GSK3B: variants seen among roughly 807,000 people sequenced by gnomAD.
GSK3B encodes the protein glycogen synthase kinase 3 beta.
A neutral mutation model predicts 56.4 loss-of-function variants in GSK3B; 15 were observed. The ratio of observed to expected loss-of-function variants is 0.27; its 90% confidence interval spans 0.18 to 0.41. The LOEUF is 0.41. GSK3B is among the 10% of genes least tolerant of loss of function. The pLI is 1.00. For synonymous variants in GSK3B, 181 were observed against 188.9 expected, an observed-to-expected ratio of 0.96 and a Z score of 0.34; for missense variants, 300 against 513.4, an observed-to-expected ratio of 0.58 and a Z score of 4.02.
chr3:119,839,678 T>C (rs770385584), intron 10 of GSK3B, among the ~76,000 whole-genome samples: 11 of 152,230 alleles, frequency 7.2e-5, no homozygotes, highest in Non-Finnish European at 1.6e-4. Flanking sequence ...TGGAGGCACA[T>C]TCTCAGGCTA....
At chr3:119,929,653 A>C (rs2056923409) in intron 3 of GSK3B, among the ~76,000 whole-genome samples, 1 of 152,144 alleles carries the variant, frequency 6.6e-6, no homozygotes, top group Non-Finnish European at 1.5e-5. Flanking sequence ...CTGTAATCCC[A>C]GCACTTTGGC....
At chr3:120,014,277 T>G (rs1176378380) in intron 1 of GSK3B, among the ~76,000 whole-genome samples, 5 of 152,200 alleles carry the variant, frequency 3.3e-5, no homozygotes, top group Non-Finnish European at 7.4e-5. Flanking sequence ...TATTTATTTT[T>G]AAATAAAATA....
intron 4 of GSK3B, among the ~76,000 whole-genome samples, chr3:119,919,969 A>G (rs1306014718): frequency 1.3e-5 from 2 of 152,202 alleles, no homozygotes; most frequent in Non-Finnish European, 2.9e-5. Flanking sequence ...GAATAACTGC[A>G]TGTTTGCTTA....
chr3:120,063,705 G>C (rs1559897085), intron 1 of GSK3B, among the ~76,000 whole-genome samples: 1 of 143,816 alleles, frequency 7.0e-6, no homozygotes, highest in South Asian at 2.2e-4. Context: ...TGCAGCCTGG[G>C]TGACAGAGCG....
At chr3:119,914,541 G>T (rs940802730) in intron 5 of GSK3B, among the ~76,000 whole-genome samples, 5 of 152,038 alleles carry the variant, frequency 3.3e-5, no homozygotes, top group African/African-American at 1.2e-4. Context: ...AAACATATCT[G>T]ATTTGGGCAG....
intron 1 of GSK3B, among the ~76,000 whole-genome samples, chr3:120,053,992 CTGT>C (rs1421968507): frequency 6.6e-6 from 1 of 152,168 alleles, no homozygotes; most frequent in Non-Finnish European, 1.5e-5. Flanking sequence ...CAGCCCTGAA[CTGT>C]TGTATTTTAG....
At chr3:119,841,694 T>C (rs367815950) in intron 10 of GSK3B, among the ~76,000 whole-genome samples, 3 of 152,146 alleles carry the variant, frequency 2.0e-5, no homozygotes, top group Non-Finnish European at 2.9e-5. Flanking sequence ...CCTAAAGTAA[T>C]TGCCACTCCA....
chr3:120,090,216 T>G (rs1236347360), intron 1 of GSK3B, among the ~76,000 whole-genome samples: 2 of 136,554 alleles, frequency 1.5e-5, no homozygotes. Context: ...GTGTGAGGCT[T>G]TTGAAGCTGT....
intron 1 of GSK3B, among the ~76,000 whole-genome samples, chr3:120,007,689 C>T (rs1576266682): frequency 6.6e-6 from 1 of 152,270 alleles, no homozygotes; most frequent in African/African-American, 2.4e-5. Flanking sequence ...TCAATAGATG[C>T]AGAAAAGGCA....
intron 1 of GSK3B, among the ~76,000 whole-genome samples, chr3:120,041,839 AAATAGAGTC>A (rs2058067189): frequency 6.6e-6 from 1 of 152,234 alleles, no homozygotes; most frequent in African/African-American, 2.4e-5. Context: ...GCTCTTAAAG[AAATAGAGTC>A]AAGAAAATAG....
intron 1 of GSK3B, among the ~76,000 whole-genome samples, chr3:120,059,077 TA>T (rs1351856989): frequency 1.3e-5 from 2 of 152,008 alleles, no homozygotes; most frequent in African/African-American, 4.8e-5. Context: ...GCTAATTCCT[TA>T]AAAAAGACAT....
At chr3:119,987,254 C>G (rs1480474582) in intron 2 of GSK3B, among the ~76,000 whole-genome samples, 1 of 152,088 alleles carries the variant, frequency 6.6e-6, no homozygotes, top group East Asian at 1.9e-4. Flanking sequence ...TGCAGCAAAC[C>G]AACATGGCAC....
intron 9 of GSK3B, among the ~76,000 whole-genome samples, chr3:119,850,378 G>A (rs1385862963): frequency 1.3e-5 from 2 of 152,008 alleles, no homozygotes; most frequent in African/African-American, 4.8e-5. Context: ...CTTAATTACA[G>A]GCAATCCTTA....
chr3:119,956,643 G>C (rs1344089332), intron 2 of GSK3B, among the ~76,000 whole-genome samples: 1 of 152,140 alleles, frequency 6.6e-6, no homozygotes, highest in African/African-American at 2.4e-5. Flanking sequence ...CCCAGCAGCA[G>C]AAAGTCTATA....
At position 119,825,764 on chromosome 3, in the gene GSK3B, T is replaced by G. The variant is rs180780479; in HGVS notation, c.*1024A>C. ...TTAAAAAATATGAAAAATAAACCAG[T>G]AGATGACTGTTACAGTTCACATTAT... On this transcript the variant is annotated 3_prime_UTR_variant, in exon 11 of 11. Coordinates refer to ENST00000264235, the MANE Select transcript of GSK3B (RefSeq NM_001146156.2). 91 of 224,586 alleles carry G rather than the reference T, an allele frequency of 4.1e-4. No individual in the cohort carries two copies. The highest frequency in any genetic ancestry group is 1.8e-3 in the African/African-American group (80 of 45,040). 13.9% of individuals were successfully genotyped at this position (224,586 alleles called of 1,614,324 possible).
intron 7 of GSK3B, among the ~76,000 whole-genome samples, chr3:119,886,478 T>C (rs1214512391): frequency 6.6e-6 from 1 of 152,098 alleles, no homozygotes; most frequent in Non-Finnish European, 1.5e-5. Flanking sequence ...GAAAGCAGTT[T>C]AGAGATTTCT....
At position 119,970,049 on chromosome 3, in the gene GSK3B, G is replaced by A. The variant is rs144503541; in HGVS notation, c.283-22698C>T. Among the ~76,000 whole-genome samples, 22 of 152,244 alleles carry A rather than the reference G, an allele frequency of 1.4e-4. No homozygotes were observed. The East Asian group carries it at 3.7e-3, about 25-fold the overall frequency. ...CTGCAGGGGTTCCAGTAACCCTTGTGTTACTTATCATAATGGTGCCAAAGC... is the reference window on the plus strand; with the variant it reads ...CTGCAGGGGTTCCAGTAACCCTTGTATTACTTATCATAATGGTGCCAAAGC... On this transcript the variant is annotated intron_variant, in intron 2 of 10. Transcript: ENST00000264235.
intron 8 of GSK3B, among the ~76,000 whole-genome samples, chr3:119,876,144 C>T (rs1479807240): frequency 6.6e-5 from 10 of 152,094 alleles, no homozygotes; most frequent in Non-Finnish European, 1.5e-4. Context: ...TAAGATCCTA[C>T]TCCTAAATCA....
intron 1 of GSK3B, among the ~76,000 whole-genome samples, chr3:120,018,995 A>G (rs553180944): frequency 1.8e-3 from 280 of 152,320 alleles, no homozygotes; most frequent in Non-Finnish European, 3.3e-3. Flanking sequence ...TCTAAATATG[A>G]AACATTTTGG....
Sources: allele counts gnomAD v4.1 joint callset (sites outside exome capture counted in the v4.1 genomes callset), GRCh38; gene constraint gnomAD v4.1.1; transcripts MANE v1.5; gene names NCBI Gene and HGNC (gene_info 2026-07-23, HGNC 2026-07-21).